Variants in SYNPO2 observed in about 807,000 individuals in gnomAD.
SYNPO2 encodes the protein synaptopodin 2, also known as synaptopodin-2.
In SYNPO2, 56 loss-of-function variants were observed where a neutral mutation model predicts 85.0. The observed-to-expected ratio is 0.66, with a 90% CI of 0.53 to 0.82. SYNPO2 has a LOEUF of 0.82. Among genes scored for constraint, SYNPO2 ranks in the 40% least tolerant of loss-of-function variants. The probability of loss-of-function intolerance (pLI) is 0.00; values close to 1 mark genes in which losing one functional copy is unlikely to be tolerated. For missense variants in SYNPO2, 1,575 were observed against 1,534.2 expected, an observed-to-expected ratio of 1.03 and a Z score of -0.44; for synonymous variants, 602 against 591.1, an observed-to-expected ratio of 1.02 and a Z score of -0.27.
chr4:118,945,033 T>G (rs773636832), intron 1 of SYNPO2, among the ~76,000 whole-genome samples: 2 of 152,178 alleles, frequency 1.3e-5, no homozygotes, highest in Non-Finnish European at 1.5e-5. Flanking sequence ...CATGCATAAT[T>G]ATGGTATTTA....
At chr4:119,002,894 A>G (rs1271729589) in intron 1 of SYNPO2, among the ~76,000 whole-genome samples, 1 of 151,872 alleles carries the variant, frequency 6.6e-6, no homozygotes, top group Non-Finnish European at 1.5e-5. Context: ...TCTATTGTAT[A>G]GGCCCTTTAT....
intron 1 of SYNPO2, among the ~76,000 whole-genome samples, chr4:118,896,716 G>T (rs11938682): frequency 0.046 from 6,938 of 152,216 alleles, 500 homozygotes; most frequent in African/African-American, 0.16. Context: ...GAAATTCTTT[G>T]CATGTGGCAG....
At chr4:118,890,733 C>CTCTCTCTCTCTCTCTCTGTGTG (rs749295331) in intron 1 of SYNPO2, among the ~76,000 whole-genome samples, 5 of 126,146 alleles carry the variant, frequency 4.0e-5, no homozygotes, top group African/African-American at 1.2e-4. Context: ...CTCTCTCTCT[C>CTCTCTCTCTCTCTCTCTGTGTG]TGTGTGTGTG....
chr4:118,917,162 C>T (rs1391131639), intron 1 of SYNPO2, among the ~76,000 whole-genome samples: 3 of 152,268 alleles, frequency 2.0e-5, no homozygotes, highest in East Asian at 1.9e-4. Flanking sequence ...GAGGCCAAGG[C>T]GGGTGGATCG....
At chr4:118,961,107 C>CCA (rs1553941462) in intron 1 of SYNPO2, among the ~76,000 whole-genome samples, 1 of 119,470 alleles carries the variant, frequency 8.4e-6, no homozygotes, top group African/African-American at 3.2e-5. Context: ...CCGCCCCCCC[C>CCA]CCACCCCTCC....
chr4:118,932,905 A>G (rs1733979858), intron 1 of SYNPO2, among the ~76,000 whole-genome samples: 1 of 152,178 alleles, frequency 6.6e-6, no homozygotes, highest in Non-Finnish European at 1.5e-5. Context: ...TTGCCCATGA[A>G]TAGCAATGCT....
chr4:118,903,743 C>G (rs1410066940), intron 1 of SYNPO2, among the ~76,000 whole-genome samples: 1 of 151,172 alleles, frequency 6.6e-6, no homozygotes, highest in East Asian at 1.9e-4. Flanking sequence ...GACGGAATCT[C>G]ACTCTGTCAC....
At chr4:118,930,942 A>G (rs1036625391) in intron 1 of SYNPO2, among the ~76,000 whole-genome samples, 3 of 151,314 alleles carry the variant, frequency 2.0e-5, no homozygotes, top group Non-Finnish European at 1.5e-5. Context: ...AAAAAATGGT[A>G]AGTATCTTGA....
At chr4:118,945,197 C>G (rs1225509675) in intron 1 of SYNPO2, among the ~76,000 whole-genome samples, 1 of 152,174 alleles carries the variant, frequency 6.6e-6, no homozygotes. Context: ...GTCATGTTGT[C>G]TTTTTAACTT....
At chr4:119,017,013 G>T (rs1193729078) in intron 1 of SYNPO2, among the ~76,000 whole-genome samples, 1 of 152,074 alleles carries the variant, frequency 6.6e-6, no homozygotes, top group Non-Finnish European at 1.5e-5. Flanking sequence ...TTATCCAAAA[G>T]AAAACGTTTT....
intron 1 of SYNPO2, among the ~76,000 whole-genome samples, chr4:118,916,058 T>G (rs1001680122): frequency 2.6e-5 from 4 of 152,168 alleles, no homozygotes; most frequent in African/African-American, 9.6e-5. Flanking sequence ...CATATTACGC[T>G]TTGTTCATTG....
At chr4:119,046,335 G>A (rs994208903) in intron 4 of SYNPO2, among the ~76,000 whole-genome samples, 1 of 152,126 alleles carries the variant, frequency 6.6e-6, no homozygotes, top group African/African-American at 2.4e-5. Flanking sequence ...AAAAAATCAA[G>A]AAGTGTATAT....
intron 1 of SYNPO2, among the ~76,000 whole-genome samples, chr4:118,879,476 G>C (rs1578514361): frequency 6.6e-6 from 1 of 152,272 alleles, no homozygotes; most frequent in Non-Finnish European, 1.5e-5. Flanking sequence ...TAAGACGAGA[G>C]ACACAAGAGA....
At chr4:119,014,805 T>C (rs950521476) in intron 1 of SYNPO2, among the ~76,000 whole-genome samples, 9 of 152,212 alleles carry the variant, frequency 5.9e-5, no homozygotes, top group Non-Finnish European at 1.3e-4. Context: ...AAGGCTGTCT[T>C]TCTGATGTGA....
intron 1 of SYNPO2, among the ~76,000 whole-genome samples, chr4:118,979,155 C>T (rs1433119809): frequency 6.6e-6 from 1 of 152,124 alleles, no homozygotes; most frequent in Non-Finnish European, 1.5e-5. Context: ...ACAAAAACAC[C>T]CCTAGAATAT....
intron 1 of SYNPO2, among the ~76,000 whole-genome samples, chr4:118,977,319 C>CA (rs752710028): frequency 1.8e-4 from 27 of 152,344 alleles, no homozygotes; most frequent in South Asian, 6.2e-4. Context: ...TGCCCGAGGC[C>CA]GCAGGGCTGG....
intron 1 of SYNPO2, among the ~76,000 whole-genome samples, chr4:118,973,054 G>C (rs1652704158): frequency 6.6e-6 from 1 of 152,024 alleles, no homozygotes; most frequent in Non-Finnish European, 1.5e-5. Context: ...TTTGACTTAT[G>C]GTATTTTTTG....
At chr4:118,875,965 G>A (rs148934759) in intron 1 of SYNPO2, among the ~76,000 whole-genome samples, 137 of 152,266 alleles carry the variant, frequency 9.0e-4, no homozygotes, top group African/African-American at 3.1e-3. Flanking sequence ...CTCATCTTCC[G>A]TTTAGCTTGG....
chr4:119,037,748 T>G, intron 4 of SYNPO2: 3 of 608,512 alleles, frequency 4.9e-6, no homozygotes, highest in Non-Finnish European at 6.2e-6. Context: ...ATTTGGGCCC[T>G]GATTTGTGCT....
Sources: gnomAD v4.1 joint callset for allele counts (sites outside exome capture counted in the v4.1 genomes callset) on GRCh38, gnomAD v4.1.1 for gene constraint, MANE v1.5 for transcripts, NCBI Gene and HGNC (gene_info 2026-07-23, HGNC 2026-07-21) for gene names.